KIRREL3: variants seen among roughly 807,000 people sequenced by gnomAD.
KIRREL3 encodes kin of IRRE-like protein 3.
KIRREL3 carries 36 observed loss-of-function variants against 89.7 expected under a neutral mutation model. The observed-to-expected ratio is 0.40, with a 90% CI of 0.31 to 0.53. The LOEUF (loss-of-function observed/expected upper bound fraction) is 0.53. Ranked by LOEUF, KIRREL3 falls within the 20% of genes least tolerant of loss-of-function variation. KIRREL3 has a pLI of 0.49. For synonymous variants in KIRREL3, 445 were observed against 441.4 expected (o/e 1.01, Z -0.10); for missense variants, 864 against 1,056.6 (o/e 0.82, Z 2.53).
chr11:126,580,081 G>A lies in KIRREL3; in HGVS notation c.56-17169C>T, dbSNP rs1363755761. On this transcript the variant is annotated intron_variant, in intron 1 of 16. Coordinates refer to ENST00000525144, the MANE Select transcript of KIRREL3 (RefSeq NM_032531.4). The stretch of plus-strand genomic sequence containing the variant: ...AGGATGGTCTCGATCTCCTGACCTC[G>A]TGATCCACCCACCTCTGCCTCCCAA... Among the ~76,000 whole-genome samples, 10 of 152,174 alleles carry A rather than the reference G, an allele frequency of 6.6e-5. No homozygotes were observed. The South Asian group carries it at 8.3e-4, about 13-fold the overall frequency.
chr11:126,584,614 C>T (rs1941727287), intron 1 of KIRREL3, among the ~76,000 whole-genome samples: 1 of 152,234 alleles, frequency 6.6e-6, no homozygotes, highest in African/African-American at 2.4e-5. Context: ...CTTTCCTCCT[C>T]CTGTACCAGG....
At position 126,429,123 on chromosome 11, in the gene KIRREL3, C is replaced by T. The variant is rs1217424440; in HGVS notation, c.1806+56G>A. On this transcript the variant is annotated intron_variant, in intron 15 of 16. Coordinates refer to ENST00000525144, the MANE Select transcript of KIRREL3 (RefSeq NM_032531.4). This position sits in a 1 kb window ranked among gnomAD's most constrained non-coding sequence, Gnocchi z 5.2. The stretch of plus-strand genomic sequence containing the variant: ...TAGTTCATTGAGAAGCCTCTAGTCC[C>T]AGGACCTTCTGGGAATGGAGTCACG... 43 of 1,196,792 alleles carry T rather than the reference C, an allele frequency of 3.6e-5. No individual in the cohort carries two copies. The East Asian group carries it at 7.6e-4, about 21-fold the overall frequency. The allele number at this position is 1,196,792 out of a possible 1,614,324, so 74.1% of individuals were successfully genotyped here.
In KIRREL3 at chr11:126,940,948, A is replaced by G. The variant is rs974527254; in HGVS notation, c.55+59507T>C. 2.0e-5 allele frequency: 3 copies of G among 152,108 alleles called. No homozygotes were observed. Among genetic ancestry groups the G allele is most frequent in the Non-Finnish European group, 4.4e-5 (3 of 68,044 alleles). 9.4% of individuals were successfully genotyped at this position (152,108 alleles called of 1,614,324 possible). ...TAGTGAGTTCACTTATGTCTGGGTT[A>G]CTGTAGATTTGGGTTTTGCTATTAC... On this transcript the variant is annotated intron_variant, in intron 1 of 16. Coordinates refer to ENST00000525144, the MANE Select transcript of KIRREL3 (RefSeq NM_032531.4). The surrounding 1 kb of genome is among the most constrained non-coding windows in gnomAD (Gnocchi z 4.6).
rs1221040334 is a variant in KIRREL3, at chr11:126,562,455, A to C, written c.133+380T>G. Among the ~76,000 whole-genome samples, 1 of 152,210 alleles carries C rather than the reference A, an allele frequency of 6.6e-6. No individual in the cohort carries two copies. Among genetic ancestry groups the C allele is most frequent in the Non-Finnish European group, 1.5e-5 (1 of 68,042 alleles). ...AGTGCTGTTTATTCAACAGGCATTC[A>C]AGAAACATGAGTGATGGAGGAGGCA... On this transcript the variant is annotated intron_variant, in intron 2 of 16. Transcript: ENST00000525144. The surrounding 1 kb of genome is among the most constrained non-coding windows in gnomAD (Gnocchi z 4.7).
chr11:126,602,974 G>A (rs1172643166), intron 1 of KIRREL3, among the ~76,000 whole-genome samples: 1 of 152,166 alleles, frequency 6.6e-6, no homozygotes, highest in Non-Finnish European at 1.5e-5. Context: ...TTGGAGGCCT[G>A]ACTGAGGCAT....
rs1046919008 is a variant in KIRREL3 at position 126,876,518 on chromosome 11, A to G, written c.55+123937T>C. On this transcript the variant is annotated intron_variant, in intron 1 of 16. Transcript: ENST00000525144. This position sits in a 1 kb window ranked among gnomAD's most constrained non-coding sequence, Gnocchi z 4.1. The stretch of plus-strand genomic sequence containing the variant: ...ACACCTATCCTAGTGCTTGGCTTAC[A>G]GTACATACTCATAAATATGCTTTTT... Among the ~76,000 whole-genome samples, 45 of 149,930 alleles carry G rather than the reference A, an allele frequency of 3.0e-4. No homozygotes were observed. The highest frequency in any genetic ancestry group is 1.3e-4 in the Non-Finnish European group (9 of 67,816).
At chr11:126,786,384 G>T (rs115611293) in intron 1 of KIRREL3, among the ~76,000 whole-genome samples, 1 of 152,070 alleles carries the variant, frequency 6.6e-6, no homozygotes, top group Non-Finnish European at 1.5e-5. Context: ...ATTTTCTAGA[G>T]TGTGGTAATA....
rs1012938567 is a variant in KIRREL3, at chr11:126,567,865, C to T, written c.56-4953G>A. On this transcript the variant is annotated intron_variant, in intron 1 of 16. Coordinates refer to ENST00000525144, the MANE Select transcript of KIRREL3 (RefSeq NM_032531.4). ...GCCCTCAAGTAACTGCAGATGGAGC[C>T]GGTGACAACGGATAGGCACCAGCCT... Among the ~76,000 whole-genome samples the T allele has an allele frequency of 1.8e-4, 27 of 152,058 alleles. 1 individual carries two copies. Among genetic ancestry groups the T allele is most frequent in the African/African-American group, 7.2e-5 (3 of 41,444 alleles).
Position 126,557,612 on chromosome 11 carries a change from C to T in KIRREL3, c.133+5223G>A, listed in dbSNP as rs111873921. ...GCTGTGGGGCACCTCTCTTTCTATA[C>T]GAGGAAACAGTAGAAGCTTTAGACT... On this transcript the variant is annotated intron_variant, in intron 2 of 16. Transcript: ENST00000525144. The surrounding 1 kb of genome is among the most constrained non-coding windows in gnomAD (Gnocchi z 5.6). Among the ~76,000 whole-genome samples, 137 of 152,228 alleles carry T rather than the reference C, an allele frequency of 9.0e-4. No individual in the cohort carries two copies. The highest frequency in any genetic ancestry group is 1.6e-3 in the Non-Finnish European group (111 of 68,014).
At chr11:126,617,714 A>T (rs1943410343) in intron 1 of KIRREL3, among the ~76,000 whole-genome samples, 1 of 152,214 alleles carries the variant, frequency 6.6e-6, no homozygotes, top group Non-Finnish European at 1.5e-5. Flanking sequence ...CAACCCAGCA[A>T]GATAGGCATT....
chr11:126,515,331 T>C lies in KIRREL3; in HGVS notation c.433+5984A>G, dbSNP rs536454026. Among the ~76,000 whole-genome samples the C allele has an allele frequency of 6.6e-6, 1 of 152,272 alleles. No individual in the cohort carries two copies. Among genetic ancestry groups the C allele is most frequent in the East Asian group, 1.9e-4 (1 of 5,182 alleles). ...TGGGTGAGGTGGTGCATGCCTGTGG[T>C]CTCAGCTACTCGGGAGGCTGAGGTG... is the stretch of plus-strand genomic sequence containing the variant. On this transcript the variant is annotated intron_variant, in intron 4 of 16. Coordinates refer to ENST00000525144, the MANE Select transcript of KIRREL3 (RefSeq NM_032531.4). This position sits in a 1 kb window ranked among gnomAD's most constrained non-coding sequence, Gnocchi z 4.2.
At chr11:126,699,009 C>T (rs1947210207) in intron 1 of KIRREL3, among the ~76,000 whole-genome samples, 1 of 152,200 alleles carries the variant, frequency 6.6e-6, no homozygotes, top group Non-Finnish European at 1.5e-5. Flanking sequence ...AAAATCACAT[C>T]CCAGCTCTTC....
At chr11:126,939,338 C>T (rs1245023135) in intron 1 of KIRREL3, among the ~76,000 whole-genome samples, 1 of 152,140 alleles carries the variant, frequency 6.6e-6, no homozygotes, top group African/African-American at 2.4e-5. Context: ...GCTCTGTCCT[C>T]CCCCATCAAA....
chr11:126,442,844 T>C (rs907064230), intron 10 of KIRREL3, among the ~76,000 whole-genome samples: 21 of 152,338 alleles, frequency 1.4e-4, no homozygotes, highest in Admixed American at 1.3e-3. Context: ...GCAGCTTCTT[T>C]GCTTCCCTCC....
Position 126,747,360 on chromosome 11 carries a change from T to C in KIRREL3, c.56-184448A>G, listed in dbSNP as rs1451544257. On this transcript the variant is annotated intron_variant, in intron 1 of 16. Transcript: ENST00000525144. The surrounding 1 kb of genome is among the most constrained non-coding windows in gnomAD (Gnocchi z 4.7). The stretch of plus-strand genomic sequence containing the variant: ...TATCTAGCGTAGCGTAAGTCCTCCA[T>C]ACTGAAAGCTAGTACCGTCGTCCCA... Among the ~76,000 whole-genome samples, 1 of 152,238 alleles carries C rather than the reference T, an allele frequency of 6.6e-6. No homozygotes were observed. The highest frequency in any genetic ancestry group is 1.5e-5 in the Non-Finnish European group (1 of 68,034).
In KIRREL3 at chr11:126,687,781, T is replaced by G. The variant is rs1326258900; in HGVS notation, c.56-124869A>C. On this transcript the variant is annotated intron_variant, in intron 1 of 16. Transcript: ENST00000525144. This position sits in a 1 kb window ranked among gnomAD's most constrained non-coding sequence, Gnocchi z 4.6. ...TCAGTCCAGTGAGAAACTAGAAAAGTCTGCAGGTAATGACAGGCAAAGAGA... is the reference window on the plus strand; with the variant it reads ...TCAGTCCAGTGAGAAACTAGAAAAGGCTGCAGGTAATGACAGGCAAAGAGA... Among the ~76,000 whole-genome samples, 1 of 152,140 alleles carries G rather than the reference T, an allele frequency of 6.6e-6. No individual in the cohort carries two copies. Among genetic ancestry groups the G allele is most frequent in the African/African-American group, 2.4e-5 (1 of 41,442 alleles).
intron 1 of KIRREL3, among the ~76,000 whole-genome samples, chr11:126,730,963 T>C (rs952737413): frequency 2.6e-5 from 4 of 151,982 alleles, no homozygotes; most frequent in African/African-American, 4.8e-5. Context: ...ATGGTCTCCA[T>C]CTCCTGACCT....
rs927338200 is a variant in KIRREL3, at chr11:126,550,049, A to G, written c.133+12786T>C. On this transcript the variant is annotated intron_variant, in intron 2 of 16. Transcript: ENST00000525144. This position sits in a 1 kb window ranked among gnomAD's most constrained non-coding sequence, Gnocchi z 4.9. ...TACTTATTCATACCCGGTTACCGCA[A>G]CTGCGACATTGTATTGTAGTTGCTG... The G allele has an allele frequency of 1.3e-5, 2 of 152,190 alleles. No homozygotes were observed. The highest frequency in any genetic ancestry group is 4.1e-4 in the South Asian group (2 of 4,828). The allele number at this position is 152,190 out of a possible 1,614,324, so 9.4% of individuals were successfully genotyped here. A position where few individuals can be genotyped will look rare whatever the true frequency, so the allele number is the denominator to read the frequency against.
At position 126,641,060 on chromosome 11, in the gene KIRREL3, C is replaced by T. The variant is rs191633076; in HGVS notation, c.56-78148G>A. Among the ~76,000 whole-genome samples the T allele has an allele frequency of 1.1e-4, 16 of 152,252 alleles. No individual in the cohort carries two copies. The East Asian group carries it at 3.1e-3, about 29-fold the overall frequency. On this transcript the variant is annotated intron_variant, in intron 1 of 16. Coordinates refer to ENST00000525144, the MANE Select transcript of KIRREL3 (RefSeq NM_032531.4). This position sits in a 1 kb window ranked among gnomAD's most constrained non-coding sequence, Gnocchi z 5.0. ...CCGAAAAGAACTCCTGGTCTTCTCC[C>T]ACAGGCCTGCCCCTCTCACGGTCTT...
Sources: allele counts gnomAD v4.1 joint callset (sites outside exome capture counted in the v4.1 genomes callset), GRCh38; gene constraint gnomAD v4.1.1; non-coding constraint Gnocchi (gnomAD v3.1); transcripts MANE v1.5; gene names NCBI Gene and HGNC (gene_info 2026-07-23, HGNC 2026-07-21).